SOX5: variants seen among roughly 807,000 people sequenced by gnomAD.
SOX5 encodes transcription factor SOX-5.
In SOX5, 9 loss-of-function variants were observed where a neutral mutation model predicts 92.0. The ratio of observed to expected loss-of-function variants is 0.10; its 90% confidence interval spans 0.06 to 0.17. The LOEUF is 0.17. Ranked by LOEUF, SOX5 falls within the 10% of genes least tolerant of loss-of-function variation. SOX5 has a pLI of 1.00. For missense variants in SOX5, 642 were observed against 944.5 expected, an observed-to-expected ratio of 0.68 and a Z score of 4.20; for synonymous variants, 344 against 336.3, an observed-to-expected ratio of 1.02 and a Z score of -0.25.
chr12:24,060,241 T>C (rs1275582846), intron 4 of SOX5, among the ~76,000 whole-genome samples: 2 of 152,240 alleles, frequency 1.3e-5, no homozygotes, highest in South Asian at 2.1e-4. Flanking sequence ...ATGAAGTAGA[T>C]ACAATTATTA....
chr12:23,994,312 T>G (rs777751306), intron 4 of SOX5, among the ~76,000 whole-genome samples: 1 of 152,116 alleles, frequency 6.6e-6, no homozygotes, highest in Non-Finnish European at 1.5e-5. Context: ...AATTACTACT[T>G]GAATTTTACT....
At position 23,998,143 on chromosome 12, in the gene SOX5, A is replaced by G. The variant is rs1951216328; in HGVS notation, c.-1-102119T>C. On this transcript the variant is annotated intron_variant, in intron 4 of 4. Transcript: ENST00000446891. ...GTCAGACTTGCCTAACAAAAACTTC[A>G]AAATAGCTATGACAATTATGTACAA... Among the ~76,000 whole-genome samples, 4 of 152,182 alleles carry G rather than the reference A, an allele frequency of 2.6e-5. No homozygotes were observed. In the South Asian group the frequency reaches 8.3e-4, roughly 32 times the overall value.
chr12:24,519,830 C>CA (rs1950108965), intron 1 of SOX5, among the ~76,000 whole-genome samples: 2 of 152,134 alleles, frequency 1.3e-5, no homozygotes, highest in Non-Finnish European at 2.9e-5. Context: ...TCACAAAACT[C>CA]AGAGCCTCTC....
chr12:23,600,534 T>TATATATATATATATATAC (rs2137397167), intron 9 of SOX5, among the ~76,000 whole-genome samples: 2 of 115,674 alleles, frequency 1.7e-5, no homozygotes, highest in African/African-American at 6.3e-5. Context: ...TATATATATA[T>TATATATATATATATATAC]ATATATATAT....
At chr12:23,809,389 C>G (rs780984071) in intron 3 of SOX5, among the ~76,000 whole-genome samples, 4 of 151,696 alleles carry the variant, frequency 2.6e-5, no homozygotes, top group Non-Finnish European at 2.9e-5. Context: ...AATGTGAAAA[C>G]CAGAATTTCT....
At chr12:23,956,544 C>A (rs1946302563) in intron 4 of SOX5, among the ~76,000 whole-genome samples, 1 of 152,174 alleles carries the variant, frequency 6.6e-6, no homozygotes. Context: ...GCCATACTCC[C>A]ACCTCACCTA....
intron 6 of SOX5, among the ~76,000 whole-genome samples, chr12:23,696,144 G>A (rs1159931886): frequency 2.6e-5 from 4 of 151,556 alleles, no homozygotes; most frequent in Non-Finnish European, 4.4e-5. Flanking sequence ...TGTGGTTTTG[G>A]GAAGTATTCA....
At chr12:24,286,556 G>A (rs1407466700) in intron 2 of SOX5, among the ~76,000 whole-genome samples, 1 of 151,780 alleles carries the variant, frequency 6.6e-6, no homozygotes, top group Non-Finnish European at 1.5e-5. Context: ...AATTTTTTTA[G>A]AGACAAGGTC....
chr12:24,317,603 T>C (rs1046823633), intron 2 of SOX5, among the ~76,000 whole-genome samples: 1 of 152,178 alleles, frequency 6.6e-6, no homozygotes, highest in Non-Finnish European at 1.5e-5. Flanking sequence ...ACTTCCAAAA[T>C]CTCAACTCCC....
At chr12:23,569,020 CT>C in intron 10 of SOX5, among the ~76,000 whole-genome samples, 1 of 152,174 alleles carries the variant, frequency 6.6e-6, no homozygotes, top group East Asian at 1.9e-4. Flanking sequence ...GAAATCCCAT[CT>C]CTACAAAAAA....
intron 4 of SOX5, among the ~76,000 whole-genome samples, chr12:24,050,804 A>T (rs919850139): frequency 6.6e-6 from 1 of 152,144 alleles, no homozygotes; most frequent in Non-Finnish European, 1.5e-5. Flanking sequence ...CTGTCTAGCA[A>T]GTATATAGTT....
chr12:23,858,138 G>GT (rs955065829), intron 2 of SOX5, among the ~76,000 whole-genome samples: 4 of 151,282 alleles, frequency 2.6e-5, no homozygotes, highest in Admixed American at 1.3e-4. Context: ...TTTTTTGTTT[G>GT]TTTTTTTACA....
intron 3 of SOX5, among the ~76,000 whole-genome samples, chr12:23,761,790 A>G (rs1027383700): frequency 5.6e-4 from 86 of 152,220 alleles, no homozygotes; most frequent in African/African-American, 2.0e-3. Flanking sequence ...CTGTTTTAGA[A>G]CTAAGTATTA....
At chr12:23,645,175 T>G (rs2080666117) in intron 7 of SOX5, among the ~76,000 whole-genome samples, 1 of 152,200 alleles carries the variant, frequency 6.6e-6, no homozygotes, top group Non-Finnish European at 1.5e-5. Flanking sequence ...AAGGGAGAAC[T>G]AATCCAGGCT....
At chr12:23,675,487 G>T (rs971011711) in intron 6 of SOX5, among the ~76,000 whole-genome samples, 10 of 152,048 alleles carry the variant, frequency 6.6e-5, no homozygotes, top group Non-Finnish European at 1.2e-4. Context: ...TGGGAAAACT[G>T]GATAACTACA....
At chr12:23,607,024 T>C (rs989099838) in intron 8 of SOX5, among the ~76,000 whole-genome samples, 1 of 152,192 alleles carries the variant, frequency 6.6e-6, no homozygotes. Flanking sequence ...CGAGGATGGC[T>C]AACATTAGGT....
chr12:24,325,894 A>T (rs965880584), intron 2 of SOX5, among the ~76,000 whole-genome samples: 1 of 152,152 alleles, frequency 6.6e-6, no homozygotes, highest in African/African-American at 2.4e-5. Flanking sequence ...GGTTGCGCAC[A>T]CGTGCACGCG....
intron 1 of SOX5, among the ~76,000 whole-genome samples, chr12:24,541,955 G>A (rs1169145286): frequency 1.3e-5 from 2 of 152,216 alleles, no homozygotes; most frequent in South Asian, 2.1e-4. Context: ...TCAGAATAAG[G>A]ACAACATTTC....
intron 8 of SOX5, among the ~76,000 whole-genome samples, chr12:23,612,976 T>C (rs2076145893): frequency 6.6e-6 from 1 of 152,180 alleles, no homozygotes; most frequent in Admixed American, 6.6e-5. Flanking sequence ...ATGAATAAAT[T>C]TGCTTTGCCC....
Sources: allele counts gnomAD v4.1 joint callset (sites outside exome capture counted in the v4.1 genomes callset), GRCh38; gene constraint gnomAD v4.1.1; transcripts MANE v1.5; gene names NCBI Gene and HGNC (gene_info 2026-07-23, HGNC 2026-07-21).